The following NCMAP variants were observed in gnomAD, a reference collection of about 807,000 sequenced individuals.
NCMAP encodes the protein non-compact myelin associated protein.
Under a neutral mutation model 7.8 loss-of-function variants are expected in NCMAP, and 8 were observed. That is an observed-to-expected ratio of 1.02 (90% CI 0.60 to 1.84). The LOEUF (loss-of-function observed/expected upper bound fraction) is 1.84, where lower values mean the gene tolerates loss of function less well. NCMAP is among the 40% of genes most tolerant of loss of function. The pLI is 0.00. For synonymous variants in NCMAP, 41 were observed against 52.9 expected (o/e 0.78, Z 0.98); for missense variants, 112 against 131.4 (o/e 0.85, Z 0.72).
Position 24,584,988 on chromosome 1 carries a change from G to A in NCMAP, c.-7-10436G>A, listed in dbSNP as rs971778645. Among the ~76,000 whole-genome samples, 19 of 141,678 alleles carry A rather than the reference G, an allele frequency of 1.3e-4. 1 individual carries two copies. The South Asian group carries it at 4.2e-3, about 31-fold the overall frequency. 92.9% of individuals were successfully genotyped at this position (141,678 alleles called of 152,430 possible). ...GAGTGGGTGGGCGGGTGGGTGGGTGGGGGCATGAGTGGATAGCAGGATGAA... is the reference window on the plus strand; with the variant it reads ...GAGTGGGTGGGCGGGTGGGTGGGTGAGGGCATGAGTGGATAGCAGGATGAA... On this transcript the variant is annotated intron_variant, in intron 1 of 3. Transcript: ENST00000374392.
chr1:24,572,177 G>A (rs1354541168), intron 1 of NCMAP, among the ~76,000 whole-genome samples: 1 of 150,278 alleles, frequency 6.7e-6, no homozygotes. Flanking sequence ...AAGTTCTCTG[G>A]GGTGGCTGTA....
rs561428396 is a variant in NCMAP, at chr1:24,559,889, C to G, written c.-8+3720C>G. Among the ~76,000 whole-genome samples, 18 of 152,222 alleles carry G rather than the reference C, an allele frequency of 1.2e-4. No individual in the cohort carries two copies. The South Asian group carries it at 3.7e-3, about 32-fold the overall frequency. On this transcript the variant is annotated intron_variant, in intron 1 of 3. Coordinates refer to ENST00000374392, the MANE Select transcript of NCMAP (RefSeq NM_001010980.5). ...TCTATTAAGAATTTGTGGCCGGGCGCGGTGGCTCACGCCTGTAATCCCAGC... is the reference window on the plus strand; with the variant it reads ...TCTATTAAGAATTTGTGGCCGGGCGGGGTGGCTCACGCCTGTAATCCCAGC...
chr1:24,568,321 T>C (rs957909742), intron 1 of NCMAP, among the ~76,000 whole-genome samples: 7 of 152,210 alleles, frequency 4.6e-5, no homozygotes, highest in Non-Finnish European at 1.0e-4. Flanking sequence ...CAAGTTCTAG[T>C]TATTCCTTTT....
intron 3 of NCMAP, among the ~76,000 whole-genome samples, chr1:24,604,568 C>G (rs1304430392): frequency 6.0e-5 from 3 of 50,148 alleles, no homozygotes; most frequent in African/African-American, 3.1e-4. Context: ...CAGGGTAAGA[C>G]TGTCTAAAAA....
At chr1:24,601,138 T>C (rs527942993) in intron 3 of NCMAP, 114 bp downstream of exon 3, 3 of 792,980 alleles carry the variant, frequency 3.8e-6, no homozygotes, top group Non-Finnish European at 6.5e-6. Flanking sequence ...CCTCAGCCTT[T>C]AGTAAATGCT....
chr1:24,577,425 T>C (rs1272384489), intron 1 of NCMAP, among the ~76,000 whole-genome samples: 7 of 145,368 alleles, frequency 4.8e-5, no homozygotes, highest in Non-Finnish European at 1.1e-4. Flanking sequence ...TTTTTTTTTT[T>C]TTTTTTGGTT....
At chr1:24,562,112 T>C (rs1651072290) in intron 1 of NCMAP, among the ~76,000 whole-genome samples, 1 of 152,242 alleles carries the variant, frequency 6.6e-6, no homozygotes. Context: ...AAATTCTGAA[T>C]GTTCTGCCTC....
intron 1 of NCMAP, among the ~76,000 whole-genome samples, chr1:24,562,536 C>G (rs1383871531): frequency 1.3e-5 from 2 of 152,352 alleles, no homozygotes; most frequent in East Asian, 3.9e-4. Flanking sequence ...TACCAGCTTT[C>G]CATGTGGAAT....
At chr1:24,573,049 G>A (rs1038090343) in intron 1 of NCMAP, among the ~76,000 whole-genome samples, 1 of 150,478 alleles carries the variant, frequency 6.6e-6, no homozygotes, top group South Asian at 2.1e-4. Context: ...TGACTGTGTG[G>A]GAAGTGTCCA....
At chr1:24,559,927 C>A (rs575631046) in intron 1 of NCMAP, among the ~76,000 whole-genome samples, 1 of 151,914 alleles carries the variant, frequency 6.6e-6, no homozygotes, top group Non-Finnish European at 1.5e-5. Flanking sequence ...TTTGGGAGGC[C>A]GAGGCAGGTG....
intron 2 of NCMAP, among the ~76,000 whole-genome samples, chr1:24,597,203 G>C (rs1652258650): frequency 6.6e-6 from 1 of 152,090 alleles, no homozygotes; most frequent in South Asian, 2.1e-4. Context: ...TGTTTTTCTT[G>C]AACTGAAAGT....
In NCMAP at chr1:24,606,782, C is replaced by G. The variant is rs1652745997; in HGVS notation, c.*1035C>G. ...ATCTGGAATTAAGAAGTCCTACCAT[C>G]CAAGCCCTACTTCCTGGTTGTGTGG... On this transcript the variant is annotated 3_prime_UTR_variant, in exon 4 of 4. Coordinates refer to ENST00000374392, the MANE Select transcript of NCMAP (RefSeq NM_001010980.5). The G allele has an allele frequency of 6.6e-6, 1 of 152,160 alleles. No homozygotes were observed. 9.4% of individuals were successfully genotyped at this position (152,160 alleles called of 1,614,324 possible).
chr1:24,593,449 C>T (rs958306253), intron 1 of NCMAP, among the ~76,000 whole-genome samples: 2 of 151,934 alleles, frequency 1.3e-5, no homozygotes, highest in Non-Finnish European at 2.9e-5. Flanking sequence ...GCTATGATTA[C>T]ATCACTGCAC....
intron 1 of NCMAP, among the ~76,000 whole-genome samples, chr1:24,577,503 G>T (rs1225895234): frequency 1.4e-5 from 2 of 142,850 alleles, no homozygotes; most frequent in African/African-American, 5.2e-5. Flanking sequence ...TCCAGCTCCT[G>T]GCCTCAAGTG....
chr1:24,563,338 G>A (rs539788897), intron 1 of NCMAP, among the ~76,000 whole-genome samples: 3 of 150,936 alleles, frequency 2.0e-5, no homozygotes, highest in Admixed American at 6.6e-5. Flanking sequence ...CCTGACCAAC[G>A]TGGAGAAACC....
intron 1 of NCMAP, among the ~76,000 whole-genome samples, chr1:24,566,774 C>G (rs1038427516): frequency 6.6e-6 from 1 of 152,162 alleles, no homozygotes; most frequent in Non-Finnish European, 1.5e-5. Context: ...CACACTGCCT[C>G]AAATCCACTA....
rs938469594 is a variant in NCMAP at position 24,607,028 on chromosome 1, T to G, written c.*1281T>G. The stretch of plus-strand genomic sequence containing the variant: ...TTTTTTTTTTGAGACAGAGCCTCAA[T>G]CTGTCACCTGGGCTGGAGTGCAGTG... On this transcript the variant is annotated 3_prime_UTR_variant, in exon 4 of 4. Coordinates refer to ENST00000374392, the MANE Select transcript of NCMAP (RefSeq NM_001010980.5). 6.7e-6 allele frequency: 1 copy of G among 149,518 alleles called. No individual in the cohort carries two copies. Among genetic ancestry groups the G allele is most frequent in the Non-Finnish European group, 1.5e-5 (1 of 67,684 alleles). The allele number at this position is 149,518 out of a possible 1,614,324, so 9.3% of individuals were successfully genotyped here.
At chr1:24,581,169 A>T (rs1157177957) in intron 1 of NCMAP, among the ~76,000 whole-genome samples, 7 of 149,270 alleles carry the variant, frequency 4.7e-5, no homozygotes, top group East Asian at 2.0e-4. Flanking sequence ...CAGGCTGGAG[A>T]GCAGTGGTGC....
At chr1:24,572,149 C>T (rs1651410096) in intron 1 of NCMAP, among the ~76,000 whole-genome samples, 1 of 147,148 alleles carries the variant, frequency 6.8e-6, no homozygotes, top group Non-Finnish European at 1.5e-5. Context: ...GGCGAGCATG[C>T]TCAGATGTAT....
Sources: gnomAD v4.1 joint callset for allele counts (sites outside exome capture counted in the v4.1 genomes callset) on GRCh38, gnomAD v4.1.1 for gene constraint, MANE v1.5 for transcripts, NCBI Gene and HGNC (gene_info 2026-07-23, HGNC 2026-07-21) for gene names.